Variants in GARRE1 observed in about 807,000 individuals in gnomAD.
GARRE1 encodes the protein granule associated Rac and RHOG effector protein 1.
A neutral mutation model predicts 103.2 loss-of-function variants in GARRE1; 49 were observed. That is an observed-to-expected ratio of 0.47 (90% CI 0.38 to 0.60). The LOEUF (loss-of-function observed/expected upper bound fraction) is 0.60, where lower values mean the gene tolerates loss of function less well. Among genes scored for constraint, GARRE1 ranks in the 20% least tolerant of loss-of-function variants. GARRE1 has a pLI of 0.00. For missense variants in GARRE1, 1,199 were observed against 1,370.5 expected (o/e 0.87, Z 1.98); for synonymous variants, 505 against 532.8 (o/e 0.95, Z 0.72).
chr19:34,303,816 G>A (rs778465070), intron 2 of GARRE1, among the ~76,000 whole-genome samples: 12 of 152,166 alleles, frequency 7.9e-5, no homozygotes, highest in Non-Finnish European at 1.5e-4. Flanking sequence ...GGGTTTCACC[G>A]TGTGGGTCAG....
chr19:34,317,168 T>A (rs1451608263), intron 2 of GARRE1, among the ~76,000 whole-genome samples: 1 of 152,240 alleles, frequency 6.6e-6, no homozygotes, highest in Non-Finnish European at 1.5e-5. Flanking sequence ...TTCCTTCCCA[T>A]CCGTCTGTGT....
chr19:34,276,414 A>G (rs1383295968), intron 1 of GARRE1, among the ~76,000 whole-genome samples: 2 of 152,198 alleles, frequency 1.3e-5, no homozygotes, highest in African/African-American at 4.8e-5. Context: ...AGGAACAAAC[A>G]TAACACATTT....
chr19:34,319,553 G>A lies in GARRE1; in HGVS notation c.496-354G>A, dbSNP rs143910732. Among the ~76,000 whole-genome samples, 528 of 152,256 alleles carry A rather than the reference G, an allele frequency of 3.5e-3. 2 individuals carry two copies. The highest frequency in any genetic ancestry group is 5.4e-3 in the Non-Finnish European group (368 of 68,018). On this transcript the variant is annotated intron_variant, in intron 2 of 13. Transcript: ENST00000299505. Reference sequence around the variant, plus strand: ...TTCTGAATACTGTATGGACGTAATTGCTGTTGTGGATGGCTGTGGTTCAGC... The same window carrying A: ...TTCTGAATACTGTATGGACGTAATTACTGTTGTGGATGGCTGTGGTTCAGC...
intron 11 of GARRE1, chr19:34,348,312 CTCTTACA>C: frequency 3.3e-6 from 1 of 305,776 alleles, no homozygotes; most frequent in East Asian, 5.2e-5. Context: ...CTAGACAAGG[CTCTTACA>C]TGATGGTGCT....
chr19:34,338,954 G>A (rs1380572893), intron 8 of GARRE1, among the ~76,000 whole-genome samples: 1 of 152,104 alleles, frequency 6.6e-6, no homozygotes, highest in Non-Finnish European at 1.5e-5. Context: ...CAGGAGTGGT[G>A]GTTTCCTGAA....
chr19:34,337,363 A>G (rs891522719), intron 8 of GARRE1, among the ~76,000 whole-genome samples: 1 of 152,114 alleles, frequency 6.6e-6, no homozygotes, highest in Non-Finnish European at 1.5e-5. Flanking sequence ...ATGAGAGGAG[A>G]GTGCCATTAT....
At chr19:34,341,027 C>G (rs943396435) in intron 9 of GARRE1, among the ~76,000 whole-genome samples, 1 of 152,178 alleles carries the variant, frequency 6.6e-6, no homozygotes. Flanking sequence ...TCCCTGCATC[C>G]CCCCACCACC....
At chr19:34,352,266 G>T (rs1203538214) in intron 13 of GARRE1, among the ~76,000 whole-genome samples, 1 of 151,986 alleles carries the variant, frequency 6.6e-6, no homozygotes, top group Non-Finnish European at 1.5e-5. Flanking sequence ...GCCAGGCATG[G>T]TGGCATGCGC....
chr19:34,263,482 CTT>C (rs776854533), intron 1 of GARRE1, among the ~76,000 whole-genome samples: 11 of 140,160 alleles, frequency 7.8e-5, no homozygotes, highest in Non-Finnish European at 7.8e-5. Context: ...TCTTTTTTTT[CTT>C]TTTTTTTTTT....
chr19:34,258,897 C>G (rs2073694340), intron 1 of GARRE1, among the ~76,000 whole-genome samples: 1 of 151,994 alleles, frequency 6.6e-6, no homozygotes, highest in Non-Finnish European at 1.5e-5. Flanking sequence ...AGACCTCTGT[C>G]TCTTAAAAAA....
At chr19:34,277,524 C>G (rs571441760) in intron 1 of GARRE1, among the ~76,000 whole-genome samples, 2 of 152,050 alleles carry the variant, frequency 1.3e-5, no homozygotes, top group Admixed American at 1.3e-4. Flanking sequence ...TATAGAGACT[C>G]GATTAGATTT....
chr19:34,276,290 G>T (rs2073816739), intron 1 of GARRE1, among the ~76,000 whole-genome samples: 1 of 152,294 alleles, frequency 6.6e-6, no homozygotes, highest in South Asian at 2.1e-4. Context: ...TGATCTGCCT[G>T]CCTCGGCCTC....
chr19:34,335,822 G>A (rs961852711), intron 8 of GARRE1, among the ~76,000 whole-genome samples: 3 of 152,024 alleles, frequency 2.0e-5, no homozygotes, highest in African/African-American at 4.8e-5. Context: ...CACCGCGCCC[G>A]GCTCATTTGT....
intron 1 of GARRE1, among the ~76,000 whole-genome samples, chr19:34,276,011 A>T (rs2073815101): frequency 6.6e-6 from 1 of 151,990 alleles, no homozygotes; most frequent in Non-Finnish European, 1.5e-5. Flanking sequence ...TTGGCATATC[A>T]TCTTTGGAGG....
rs34493050 is a variant in GARRE1, at chr19:34,341,771, A to G, written c.1837A>G (p.Thr613Ala). Residue 613 changes from threonine to alanine, a missense_variant, in exon 10 of 14, where the codon ACA becomes GCA. Coordinates refer to ENST00000299505, the MANE Select transcript of GARRE1 (RefSeq NM_014686.5). ...ACAGTCAGCTCAGAATTCCAGTAATACAGTGGCCAATGGCTTTCTCATGGA... is the reference window on the plus strand; with the variant it reads ...ACAGTCAGCTCAGAATTCCAGTAATGCAGTGGCCAATGGCTTTCTCATGGA... ...PSQSAQNSSN[T>A]VANGFLMERR... 1.7e-5 allele frequency: 28 copies of G among 1,614,086 alleles called. No individual in the cohort carries two copies. The highest frequency in any genetic ancestry group is 2.3e-5 in the Non-Finnish European group (27 of 1,180,040).
intron 1 of GARRE1, among the ~76,000 whole-genome samples, chr19:34,268,365 C>T (rs1346179755): frequency 6.6e-6 from 1 of 152,064 alleles, no homozygotes; most frequent in Non-Finnish European, 1.5e-5. Flanking sequence ...CGGGGATTTG[C>T]CCCTTTTTTC....
intron 8 of GARRE1, among the ~76,000 whole-genome samples, chr19:34,337,143 A>C (rs1219117166): frequency 6.6e-6 from 1 of 152,092 alleles, no homozygotes; most frequent in African/African-American, 2.4e-5. Context: ...CCTGGAGAAA[A>C]AGGATATTGC....
chr19:34,292,210 T>A (rs2073921920), intron 1 of GARRE1, among the ~76,000 whole-genome samples: 1 of 151,356 alleles, frequency 6.6e-6, no homozygotes, highest in Non-Finnish European at 1.5e-5. Flanking sequence ...ACATTTCATA[T>A]CAGTAGACTC....
intron 2 of GARRE1, among the ~76,000 whole-genome samples, chr19:34,313,859 G>GGCACA (rs1460161832): frequency 7.2e-5 from 11 of 152,150 alleles, no homozygotes; most frequent in Non-Finnish European, 1.5e-4. Context: ...GGAGTGCAGT[G>GGCACA]ATGTGATCTT....
Sources: gnomAD v4.1 joint callset for allele counts (sites outside exome capture counted in the v4.1 genomes callset) on GRCh38, gnomAD v4.1.1 for gene constraint, MANE v1.5 for transcripts, NCBI Gene and HGNC (gene_info 2026-07-23, HGNC 2026-07-21) for gene names.